Variants in PCDHGA9 observed in about 807,000 individuals in gnomAD.
PCDHGA9 encodes the protein protocadherin gamma-A9.
Under a neutral mutation model 62.5 loss-of-function variants are expected in PCDHGA9, and 37 were observed. The ratio of observed to expected loss-of-function variants is 0.59; its 90% CI spans 0.46 to 0.78. PCDHGA9 has a LOEUF of 0.78. PCDHGA9 is among the 30% of genes least tolerant of loss of function. The probability of loss-of-function intolerance (pLI) is 0.00; values close to 1 mark genes in which losing one functional copy is unlikely to be tolerated. For synonymous variants in PCDHGA9, 459 were observed against 484.6 expected (o/e 0.95, Z 0.69); for missense variants, 1,138 against 1,166.2 (o/e 0.98, Z 0.35).
intron 1 of PCDHGA9, among the ~76,000 whole-genome samples, chr5:141,463,545 T>C (rs1433047951): frequency 6.8e-6 from 1 of 146,704 alleles, no homozygotes; most frequent in East Asian, 2.1e-4. Flanking sequence ...GGCTCCCGGG[T>C]TCATGCCATT....
chr5:141,408,379 G>T (rs2095093592), intron 1 of PCDHGA9: 13 of 1,613,914 alleles, frequency 8.1e-6, no homozygotes, highest in Non-Finnish European at 1.1e-5. Context: ...TCAGTGTCCT[G>T]GATGTGTCGG....
At chr5:141,423,398 G>T in intron 1 of PCDHGA9, 7 of 1,614,172 alleles carry the variant, frequency 4.3e-6, no homozygotes, top group Non-Finnish European at 5.9e-6. Flanking sequence ...CATAAGTCAC[G>T]CCTGCTGCAG....
At chr5:141,424,682 C>A (rs1421088073) in intron 1 of PCDHGA9, 1 of 152,062 alleles carries the variant, frequency 6.6e-6, no homozygotes, top group Non-Finnish European at 1.5e-5. Flanking sequence ...AGCTAGTATC[C>A]TTCTGGCTAT....
In PCDHGA9 at chr5:141,476,784, C is replaced by A; in HGVS notation, c.2425-18023C>A. 1 of 1,613,520 alleles carries A rather than the reference C, an allele frequency of 6.2e-7. No homozygotes were observed. On this transcript the variant is annotated intron_variant, in intron 1 of 3. Transcript: ENST00000573521. The surrounding 1 kb of genome is among the most constrained non-coding windows in gnomAD (Gnocchi z 7.6). ...ACGGCGTTGGACGGAGGGACCCCAGCTCTCTCCGCCAGCCTGCCTATTCAC... is the reference window on the plus strand; with the variant it reads ...ACGGCGTTGGACGGAGGGACCCCAGATCTCTCCGCCAGCCTGCCTATTCAC...
intron 1 of PCDHGA9, among the ~76,000 whole-genome samples, chr5:141,434,490 G>A (rs566645029): frequency 2.5e-4 from 38 of 152,274 alleles, no homozygotes; most frequent in Non-Finnish European, 4.9e-4. Flanking sequence ...CACCTGGCCC[G>A]CCCAGGGCAG....
intron 1 of PCDHGA9, chr5:141,409,314 C>G: frequency 1.9e-6 from 3 of 1,613,878 alleles, no homozygotes; most frequent in Non-Finnish European, 2.5e-6. Flanking sequence ...CTCTTCAAAA[C>G]ACGGGATCTG....
At chr5:141,473,733 G>A (rs943072050) in intron 1 of PCDHGA9, among the ~76,000 whole-genome samples, 19 of 152,214 alleles carry the variant, frequency 1.2e-4, no homozygotes, top group Admixed American at 3.9e-4. Flanking sequence ...GAGAGAGGGA[G>A]AAGACATGAG....
intron 1 of PCDHGA9, among the ~76,000 whole-genome samples, chr5:141,434,192 A>G (rs2097676888): frequency 6.6e-6 from 1 of 152,194 alleles, no homozygotes; most frequent in Non-Finnish European, 1.5e-5. Context: ...TGTAATTCCA[A>G]TGTACTTACT....
At chr5:141,484,311 C>T (rs1234690996) in intron 1 of PCDHGA9, among the ~76,000 whole-genome samples, 2 of 152,196 alleles carry the variant, frequency 1.3e-5, no homozygotes, top group African/African-American at 4.8e-5. Flanking sequence ...CTCCACCCCG[C>T]TTCCATACTG....
chr5:141,475,715 C>A (rs989484033), intron 1 of PCDHGA9, among the ~76,000 whole-genome samples: 3 of 152,366 alleles, frequency 2.0e-5, no homozygotes, highest in South Asian at 4.1e-4. Context: ...AGCCTCACAG[C>A]CCCAAGGCTG....
chr5:141,429,105 C>A (rs936114624), intron 1 of PCDHGA9: 2 of 152,318 alleles, frequency 1.3e-5, no homozygotes, highest in African/African-American at 4.8e-5. Flanking sequence ...CTGCCCGCCT[C>A]GGCCTCCCAA....
In PCDHGA9 at chr5:141,432,071, A is replaced by G; in HGVS notation, c.2424+26695A>G. On this transcript the variant is annotated intron_variant, in intron 1 of 3. Transcript: ENST00000573521. The surrounding 1 kb of genome is among the most constrained non-coding windows in gnomAD (Gnocchi z 6.0). ...CCCGCCCCTATCCACGGAAACTCAT[A>G]TCTCGCTGAACGTGGCAGACACCAA... is the stretch of plus-strand genomic sequence containing the variant. 2 of 1,614,158 alleles carry G rather than the reference A, an allele frequency of 1.2e-6. No individual in the cohort carries two copies. The highest frequency in any genetic ancestry group is 1.7e-6 in the Non-Finnish European group (2 of 1,180,032).
intron 1 of PCDHGA9, chr5:141,424,079 C>A: frequency 3.1e-6 from 3 of 973,190 alleles, no homozygotes; most frequent in African/African-American, 1.8e-5. Context: ...TAGTTATATT[C>A]CACCATTATT....
chr5:141,429,697 C>T (rs2097236349), intron 1 of PCDHGA9, among the ~76,000 whole-genome samples: 1 of 152,134 alleles, frequency 6.6e-6, no homozygotes, highest in African/African-American at 2.4e-5. Context: ...AATATCTTTA[C>T]AGTATAAATA....
At chr5:141,415,182 C>A (rs2095840318) in intron 1 of PCDHGA9, 1 of 1,613,842 alleles carries the variant, frequency 6.2e-7, no homozygotes, top group Admixed American at 1.7e-5. Flanking sequence ...TGGCCGTGGC[C>A]GACAGCATCC....
chr5:141,451,284 G>A (rs950768919), intron 1 of PCDHGA9, among the ~76,000 whole-genome samples: 1 of 152,186 alleles, frequency 6.6e-6, no homozygotes. Context: ...GAGTGCCTCT[G>A]CCTCAAAGTC....
chr5:141,409,734 G>C (rs1278458472), intron 1 of PCDHGA9: 2 of 1,613,144 alleles, frequency 1.2e-6, no homozygotes, highest in Admixed American at 3.3e-5. Flanking sequence ...AGCGCGCAGA[G>C]CGGGGTGGTG....
intron 1 of PCDHGA9, chr5:141,415,156 A>T: frequency 6.2e-7 from 1 of 1,613,798 alleles, no homozygotes. Flanking sequence ...TCTCTCCGCC[A>T]CTGTCACGCT....
chr5:141,453,609 G>A (rs1208329212), intron 1 of PCDHGA9, among the ~76,000 whole-genome samples: 3 of 151,900 alleles, frequency 2.0e-5, no homozygotes, highest in South Asian at 4.2e-4. Context: ...TTTGCAAAAC[G>A]CAAAAACAAA....
Sources: allele counts gnomAD v4.1 joint callset (sites outside exome capture counted in the v4.1 genomes callset), GRCh38; gene constraint gnomAD v4.1.1; non-coding constraint Gnocchi (gnomAD v3.1); transcripts MANE v1.5; gene names NCBI Gene and HGNC (gene_info 2026-07-23, HGNC 2026-07-21).